Variants in RAPGEF1 observed in about 807,000 individuals in gnomAD.
The protein encoded by RAPGEF1 is Rap guanine nucleotide exchange factor 1, also known as CRK SH3-binding GNRP.
A neutral mutation model predicts 143.3 loss-of-function variants in RAPGEF1; 33 were observed. That is an observed-to-expected ratio of 0.23 (90% CI 0.17 to 0.31). The LOEUF is 0.31. RAPGEF1 is among the 10% of genes least tolerant of loss of function. The probability of loss-of-function intolerance (pLI) is 1.00; values close to 1 mark genes in which losing one functional copy is unlikely to be tolerated. For missense variants in RAPGEF1, 1,199 were observed against 1,645.4 expected, an observed-to-expected ratio of 0.73 and a Z score of 4.69; for synonymous variants, 629 against 676.5, an observed-to-expected ratio of 0.93 and a Z score of 1.09.
chr9:131,679,527 C>T (rs544004827), intron 1 of RAPGEF1, among the ~76,000 whole-genome samples: 1 of 152,328 alleles, frequency 6.6e-6, no homozygotes, highest in South Asian at 2.1e-4. Flanking sequence ...GTACCAGTAA[C>T]AACTTGTGTA....
At chr9:131,735,117 CG>C (rs10718362) in intron 1 of RAPGEF1, among the ~76,000 whole-genome samples, 2,349 of 152,324 alleles carry the variant, frequency 0.015, 72 homozygotes, top group African/African-American at 0.054. Flanking sequence ...CCCAGGAGGC[CG>C]GGATCTTTGC....
intron 12 of RAPGEF1, among the ~76,000 whole-genome samples, chr9:131,608,565 G>A (rs555247780): frequency 6.6e-6 from 1 of 152,176 alleles, no homozygotes; most frequent in African/African-American, 2.4e-5. Context: ...AGAAAGCAAG[G>A]AGAGTCGGCC....
At chr9:131,716,691 T>G (rs368436582) in intron 1 of RAPGEF1, among the ~76,000 whole-genome samples, 6 of 152,302 alleles carry the variant, frequency 3.9e-5, no homozygotes, top group Admixed American at 1.3e-4. Context: ...GAGAATGGCT[T>G]GAGCCTGCGA....
intron 1 of RAPGEF1, among the ~76,000 whole-genome samples, chr9:131,719,371 A>G (rs1217879225): frequency 3.3e-5 from 5 of 152,142 alleles, no homozygotes; most frequent in Admixed American, 3.3e-4. Flanking sequence ...CTGGAAGCAG[A>G]AGTGTCACCA....
Position 131,604,040 on chromosome 9 carries a change from C to A in RAPGEF1, c.2333G>T (p.Ser778Ile), listed in dbSNP as rs1206069083. The change falls in exon 14 of 27, where the codon AGT (serine) becomes ATT (isoleucine). Residue 778 changes from serine to isoleucine, a missense_variant. Ser to Ile is a moderately radical substitution (Grantham distance 142, BLOSUM62 -2). Coordinates refer to ENST00000683357, the MANE Select transcript of RAPGEF1 (RefSeq NM_001377935.1). ...ATATTCACCCTCACCAGCTTCCTCA[C>A]TGGCGTTTTCACTCTGGGGGAGACA... ...TSFTDSSENASEEAGEGEYVN... is the reference protein window; with the variant it reads ...TSFTDSSENAIEEAGEGEYVN... 1 of 1,332,650 alleles carries A rather than the reference C, an allele frequency of 7.5e-7. No homozygotes were observed. The highest frequency in any genetic ancestry group is 1.0e-6 in the Non-Finnish European group (1 of 1,002,986). 82.6% of individuals were successfully genotyped at this position (1,332,650 alleles called of 1,614,324 possible).
In RAPGEF1 at chr9:131,641,937, T is replaced by C. The variant is rs1968122343; in HGVS notation, c.494+1302A>G. 6.6e-6 allele frequency among the ~76,000 whole-genome samples: 1 copy of C among 152,242 alleles called. No individual in the cohort carries two copies. The highest frequency in any genetic ancestry group is 1.5e-5 in the Non-Finnish European group (1 of 68,044). ...TTTATCCCCCAGAAGAAGAAAACTATGAACTTCATTGCCAAGTTCTGAAAG... is the reference window on the plus strand; with the variant it reads ...TTTATCCCCCAGAAGAAGAAAACTACGAACTTCATTGCCAAGTTCTGAAAG... On this transcript the variant is annotated intron_variant, in intron 4 of 26. Coordinates refer to ENST00000683357, the MANE Select transcript of RAPGEF1 (RefSeq NM_001377935.1). The surrounding 1 kb of genome is among the most constrained non-coding windows in gnomAD (Gnocchi z 4.6).
intron 10 of RAPGEF1, among the ~76,000 whole-genome samples, chr9:131,623,536 C>T (rs1378771877): frequency 6.6e-6 from 1 of 152,216 alleles, no homozygotes; most frequent in Non-Finnish European, 1.5e-5. Flanking sequence ...ACCTGCTAGC[C>T]AAGCACAGAA....
chr9:131,634,187 A>C (rs1965705483), intron 5 of RAPGEF1, among the ~76,000 whole-genome samples: 2 of 152,074 alleles, frequency 1.3e-5, no homozygotes, highest in South Asian at 4.1e-4. Flanking sequence ...CAGAAGGCGG[A>C]GGTTGCAGTG....
At chr9:131,607,581 T>C (rs1234825266) in intron 12 of RAPGEF1, among the ~76,000 whole-genome samples, 1 of 151,970 alleles carries the variant, frequency 6.6e-6, no homozygotes, top group Non-Finnish European at 1.5e-5. Flanking sequence ...GGCGTGCTGC[T>C]GGGGGGGCTG....
At chr9:131,652,304 G>A (rs1971267315) in intron 1 of RAPGEF1, among the ~76,000 whole-genome samples, 1 of 152,064 alleles carries the variant, frequency 6.6e-6, no homozygotes, top group Non-Finnish European at 1.5e-5. Flanking sequence ...AGACTAGAGT[G>A]CAGTGGTGTG....
chr9:131,675,884 G>A lies in RAPGEF1; in HGVS notation c.62-24935C>T, dbSNP rs995846872. Among the ~76,000 whole-genome samples the A allele has an allele frequency of 4.6e-5, 7 of 151,990 alleles. No homozygotes were observed. Among genetic ancestry groups the A allele is most frequent in the East Asian group, 1.9e-4 (1 of 5,182 alleles). On this transcript the variant is annotated intron_variant, in intron 1 of 26. Transcript: ENST00000683357. This position sits in a 1 kb window ranked among gnomAD's most constrained non-coding sequence, Gnocchi z 4.6. ...CATGATTGGGAAACAGCCTGAACTC[G>A]AACTGCTCAGTTTGACAAAAACTCA... is the stretch of plus-strand genomic sequence containing the variant.
intron 1 of RAPGEF1, among the ~76,000 whole-genome samples, chr9:131,673,216 C>T (rs1262119060): frequency 6.6e-6 from 1 of 152,190 alleles, no homozygotes; most frequent in South Asian, 2.1e-4. Context: ...TATTTGCAAT[C>T]AGAAGAAAGC....
At chr9:131,699,587 C>A (rs1834476157) in intron 1 of RAPGEF1, among the ~76,000 whole-genome samples, 1 of 152,190 alleles carries the variant, frequency 6.6e-6, no homozygotes, top group African/African-American at 2.4e-5. Context: ...CACTATGTTA[C>A]TGAATGCCAA....
intron 1 of RAPGEF1, among the ~76,000 whole-genome samples, chr9:131,730,672 G>A (rs1479106121): frequency 2.4e-5 from 3 of 122,848 alleles, no homozygotes; most frequent in African/African-American, 9.0e-5. Flanking sequence ...TCCAGCCTGG[G>A]CAACAGCAGA....
chr9:131,599,574 G>A (rs976570192), intron 15 of RAPGEF1, among the ~76,000 whole-genome samples: 2 of 152,048 alleles, frequency 1.3e-5, no homozygotes, highest in African/African-American at 4.8e-5. Flanking sequence ...GTGAGCCGAG[G>A]CTTGCAGTAC....
intron 25 of RAPGEF1, among the ~76,000 whole-genome samples, chr9:131,581,358 C>T (rs1182352237): frequency 6.6e-6 from 1 of 151,672 alleles, no homozygotes; most frequent in Non-Finnish European, 1.5e-5. Context: ...TGCACCACTG[C>T]ACTCCAGCCT....
At chr9:131,596,742 C>T (rs1258578363) in intron 16 of RAPGEF1, among the ~76,000 whole-genome samples, 1 of 152,142 alleles carries the variant, frequency 6.6e-6, no homozygotes, top group South Asian at 2.1e-4. Context: ...GTAGGACCCC[C>T]TGGGGGCAAG....
intron 1 of RAPGEF1, among the ~76,000 whole-genome samples, chr9:131,724,922 T>C (rs1836542065): frequency 1.3e-5 from 2 of 152,198 alleles, no homozygotes; most frequent in Admixed American, 6.5e-5. Flanking sequence ...TGCTTACCCA[T>C]TTATCATAAA....
Position 131,737,494 on chromosome 9 carries a change from A to T in RAPGEF1, c.61+2276T>A, listed in dbSNP as rs1837495781. 2.5e-6 allele frequency: 4 copies of T among 1,613,492 alleles called. No individual in the cohort carries two copies. In the East Asian group the frequency reaches 8.9e-5, roughly 36 times the overall value. On this transcript the variant is annotated intron_variant, in intron 1 of 26. Transcript: ENST00000683357. ...TAGACAAGCTTCTCTGGGAGCAGGCACTTTCATCTACAACCCCCTAGCAGA... is the reference window on the plus strand; with the variant it reads ...TAGACAAGCTTCTCTGGGAGCAGGCTCTTTCATCTACAACCCCCTAGCAGA...
Sources: allele counts gnomAD v4.1 joint callset (sites outside exome capture counted in the v4.1 genomes callset), GRCh38; gene constraint gnomAD v4.1.1; non-coding constraint Gnocchi (gnomAD v3.1); transcripts MANE v1.5; gene names NCBI Gene and HGNC (gene_info 2026-07-23, HGNC 2026-07-21).